The following NMUR2 variants were observed in gnomAD, a reference collection of about 807,000 sequenced individuals.
NMUR2 encodes neuromedin-U receptor 2.
In NMUR2, 24 loss-of-function variants were observed where a neutral mutation model predicts 25.1. The observed-to-expected ratio is 0.96, with a 90% confidence interval of 0.69 to 1.34. The LOEUF (loss-of-function observed/expected upper bound fraction) is 1.34, where lower values mean the gene tolerates loss of function less well. Ranked by LOEUF, NMUR2 falls within the 40% of genes most tolerant of loss-of-function variation. The pLI is 0.00. For synonymous variants in NMUR2, 218 were observed against 208.1 expected (o/e 1.05, Z -0.41); for missense variants, 533 against 512.8 (o/e 1.04, Z -0.38).
rs577503500 is a variant in NMUR2 at position 152,405,270 on chromosome 5, C to T, written c.-157G>A. Reference sequence around the variant, plus strand: ...GGCTGGGAGAGAGTGAGTGTTTCACCCTCCAGGTTAGGCTGCCTGGACCGC... The same window carrying T: ...GGCTGGGAGAGAGTGAGTGTTTCACTCTCCAGGTTAGGCTGCCTGGACCGC... On this transcript the variant is annotated 5_prime_UTR_variant, in exon 1 of 4. Transcript: ENST00000255262. 5.3e-4 allele frequency: 457 copies of T among 863,088 alleles called. No homozygotes were observed. The highest frequency in any genetic ancestry group is 7.8e-4 in the Admixed American group (26 of 33,408). The allele number at this position is 863,088 out of a possible 1,614,324, so 53.5% of individuals were successfully genotyped here.
chr5:152,402,832 G>A (rs1035487495), intron 1 of NMUR2, among the ~76,000 whole-genome samples: 8 of 152,176 alleles, frequency 5.3e-5, no homozygotes, highest in African/African-American at 1.9e-4. Context: ...ACAGGTGCTA[G>A]CCCTCCAGGA....
intron 1 of NMUR2, among the ~76,000 whole-genome samples, chr5:152,398,872 A>T (rs1321518437): frequency 1.3e-5 from 2 of 152,140 alleles, no homozygotes; most frequent in African/African-American, 4.8e-5. Context: ...TGTGTTTCTG[A>T]GTTAAGATGT....
At position 152,392,193 on chromosome 5, in the gene NMUR2, A is replaced by C. The variant is rs746490932; in HGVS notation, c.1246T>G (p.Ter416GlyextTer26). The change falls in exon 4 of 4, where the codon TGA (stop) becomes GGA (glycine). Residue 416 changes from the stop codon to glycine, a stop_lost. Transcript: ENST00000255262. ...NYQSFHFNKT[*>G] ...AGGAGAGTCAGCTCTGAAAGAATTC[A>C]GGTTTTGTTAAAGTGGAAGCTTTGA... 6.2e-7 allele frequency: 1 copy of C among 1,608,344 alleles called. No individual in the cohort carries two copies. Among genetic ancestry groups the C allele is most frequent in the Non-Finnish European group, 8.5e-7 (1 of 1,176,150 alleles).
intron 1 of NMUR2, among the ~76,000 whole-genome samples, chr5:152,403,912 G>A (rs1300363737): frequency 6.6e-6 from 1 of 152,112 alleles, no homozygotes. Flanking sequence ...CTCAGACCAA[G>A]TTGGTGTACA....
chr5:152,397,694 G>A (rs1753183718), intron 2 of NMUR2, among the ~76,000 whole-genome samples: 1 of 151,964 alleles, frequency 6.6e-6, no homozygotes, highest in Non-Finnish European at 1.5e-5. Context: ...TTTCACAGAG[G>A]GGGAAAGTGA....
intron 3 of NMUR2, among the ~76,000 whole-genome samples, chr5:152,394,971 C>T (rs1159210310): frequency 1.3e-5 from 2 of 150,930 alleles, no homozygotes; most frequent in Non-Finnish European, 2.9e-5. Flanking sequence ...ATCTGACTTA[C>T]TGACCTTTCC....
rs771197479 is a variant in NMUR2, at chr5:152,392,437, G to GA, written c.1001dup (p.Gln335ProfsTer20). On this transcript the variant is annotated frameshift_variant, in exon 4 of 4. Coordinates refer to ENST00000255262, the MANE Select transcript of NMUR2 (RefSeq NM_020167.5). LOFTEE classifies it low-confidence loss of function (END_TRUNC). ...AGATCACATTCTGGAATGCTGCCTGGAAGCGGCGAGACAGTAGGTTATAGA... is the reference window on the plus strand; with the variant it reads ...AGATCACATTCTGGAATGCTGCCTGGAAAGCGGCGAGACAGTAGGTTATAGA... The GA allele has an allele frequency of 7.4e-6, 12 of 1,613,932 alleles. No individual in the cohort carries two copies. The Admixed American group carries it at 2.0e-4, about 27-fold the overall frequency.
At chr5:152,400,672 A>C (rs774629931) in intron 1 of NMUR2, among the ~76,000 whole-genome samples, 13 of 152,194 alleles carry the variant, frequency 8.5e-5, no homozygotes, top group Admixed American at 2.6e-4. Context: ...AATCTATTAA[A>C]GGTTCTAATT....
chr5:152,395,477 G>T lies in NMUR2; in HGVS notation c.919C>A (p.Leu307Ile). 2 of 1,613,438 alleles carry T rather than the reference G, an allele frequency of 1.2e-6. No homozygotes were observed. The highest frequency in any genetic ancestry group is 1.7e-6 in the Non-Finnish European group (2 of 1,179,658). ...WSESLAAVFNLVHVVSGVFFY... is the reference protein window; with the variant it reads ...WSESLAAVFNIVHVVSGVFFY... ...GTTTTACCTGACACCACATGGACGA[G>T]GTTGAACACAGCAGCCAGGGATTCA... Residue 307 changes from leucine to isoleucine, a missense_variant, in exon 3 of 4, where the codon CTC becomes ATC. Coordinates refer to ENST00000255262, the MANE Select transcript of NMUR2 (RefSeq NM_020167.5).
chr5:152,392,438 A>G lies in NMUR2; in HGVS notation c.1001T>C (p.Phe334Ser). ...PIIYNLLSRRFQAAFQNVISS... is the reference protein window; with the variant it reads ...PIIYNLLSRRSQAAFQNVISS... ...GATCACATTCTGGAATGCTGCCTGGAAGCGGCGAGACAGTAGGTTATAGAT... is the reference window on the plus strand; with the variant it reads ...GATCACATTCTGGAATGCTGCCTGGGAGCGGCGAGACAGTAGGTTATAGAT... The change falls in exon 4 of 4, where the codon TTC becomes TCC. Residue 334 changes from phenylalanine to serine, a missense_variant. Coordinates refer to ENST00000255262, the MANE Select transcript of NMUR2 (RefSeq NM_020167.5). The G allele has an allele frequency of 2.5e-6, 4 of 1,614,044 alleles. No individual in the cohort carries two copies. In the African/African-American group the frequency reaches 5.3e-5, roughly 22 times the overall value.
chr5:152,392,067 T>G lies in NMUR2; in HGVS notation c.*124A>C. The G allele has an allele frequency of 1.3e-6, 1 of 770,220 alleles. No individual in the cohort carries two copies. The highest frequency in any genetic ancestry group is 2.9e-5 in the Admixed American group (1 of 33,998). The allele number at this position is 770,220 out of a possible 1,614,324, so 47.7% of individuals were successfully genotyped here. On this transcript the variant is annotated 3_prime_UTR_variant, in exon 4 of 4. Coordinates refer to ENST00000255262, the MANE Select transcript of NMUR2 (RefSeq NM_020167.5). Reference sequence around the variant, plus strand: ...TCACGTTTATTAAAAAAAAAAAAACTAGCAATGGGTACATGAGTTGTAAGA... The same window carrying G: ...TCACGTTTATTAAAAAAAAAAAAACGAGCAATGGGTACATGAGTTGTAAGA...
intron 1 of NMUR2, among the ~76,000 whole-genome samples, chr5:152,403,543 A>G (rs938577833): frequency 7.9e-5 from 12 of 151,964 alleles, no homozygotes; most frequent in African/African-American, 2.9e-4. Flanking sequence ...CTCTAATTAT[A>G]TATGTTGCAA....
intron 1 of NMUR2, 51 bp from the exon 2 acceptor site, chr5:152,398,195 C>A (rs376394228): frequency 1.5e-6 from 2 of 1,344,018 alleles, no homozygotes; most frequent in African/African-American, 2.9e-5. Context: ...AACATTTTTC[C>A]TCCTGTTAAA....
chr5:152,404,655 G>A lies in NMUR2; in HGVS notation c.459C>T (p.Arg153=), dbSNP rs1004624182. 9 of 1,614,020 alleles carry A rather than the reference G, an allele frequency of 5.6e-6. No individual in the cohort carries two copies. The highest frequency in any genetic ancestry group is 2.2e-5 in the South Asian group (2 of 91,084). The change falls in exon 1 of 4, where the codon CGC becomes CGT. Residue 153 remains arginine (R), a synonymous_variant. Transcript: ENST00000255262. The part of the protein sequence containing the change: ...ERYVAILHPF[R]AKLQSTRRRA... ...GGCGCCGGGTGCTCTGCAGTTTGGC[G>A]CGGAACGGGTGTAGGATGGCCACGT...
intron 3 of NMUR2, among the ~76,000 whole-genome samples, chr5:152,392,798 T>C (rs940733727): frequency 3.2e-4 from 49 of 152,308 alleles, no homozygotes; most frequent in African/African-American, 1.2e-3. Context: ...AAAGAACATG[T>C]TTCTATAACA....
At chr5:152,392,999 C>T (rs1200971631) in intron 3 of NMUR2, among the ~76,000 whole-genome samples, 1 of 152,186 alleles carries the variant, frequency 6.6e-6, no homozygotes, top group African/African-American at 2.4e-5. Context: ...CTGTTCCTAC[C>T]TACCCTTTTC....
At chr5:152,393,595 A>C (rs1753097771) in intron 3 of NMUR2, among the ~76,000 whole-genome samples, 1 of 152,216 alleles carries the variant, frequency 6.6e-6, no homozygotes. Context: ...GTTCTCCAAG[A>C]TCTTGGAATG....
At chr5:152,396,677 A>T (rs1033199050) in intron 2 of NMUR2, among the ~76,000 whole-genome samples, 3 of 152,072 alleles carry the variant, frequency 2.0e-5, no homozygotes, top group Non-Finnish European at 4.4e-5. Flanking sequence ...CAAGGGGTGG[A>T]TCTCCTGAGG....
At chr5:152,402,885 G>T (rs1300726984) in intron 1 of NMUR2, among the ~76,000 whole-genome samples, 1 of 152,134 alleles carries the variant, frequency 6.6e-6, no homozygotes, top group Admixed American at 6.5e-5. Flanking sequence ...TTACTCTTGT[G>T]CCCAGATGTC....
Sources: allele counts gnomAD v4.1 joint callset (sites outside exome capture counted in the v4.1 genomes callset), GRCh38; gene constraint gnomAD v4.1.1; transcripts MANE v1.5; gene names NCBI Gene and HGNC (gene_info 2026-07-23, HGNC 2026-07-21).